Variants in ZDHHC9 observed in about 807,000 individuals in gnomAD.
The protein encoded by ZDHHC9 is zDHHC palmitoyltransferase 9, also known as palmitoyltransferase ZDHHC9.
Under a neutral mutation model 26.6 loss-of-function variants are expected in ZDHHC9, and 3 were observed. The observed-to-expected ratio is 0.11, with a 90% CI of 0.05 to 0.29. ZDHHC9 has a LOEUF of 0.29. Ranked by LOEUF, ZDHHC9 falls within the 10% of genes least tolerant of loss-of-function variation. The pLI, the probability that ZDHHC9 is intolerant of heterozygous loss-of-function variation, is 1.00. For synonymous variants in ZDHHC9, 111 were observed against 109.4 expected (o/e 1.01, Z -0.09); for missense variants, 146 against 296.4 (o/e 0.49, Z 3.73).
intron 7 of ZDHHC9, among the ~76,000 whole-genome samples, chrX:129,813,104 A>G (rs1230605724): frequency 1.8e-5 from 2 of 112,463 alleles, no homozygotes; most frequent in Admixed American, 1.9e-4. Context: ...GTTGGCCATC[A>G]CTGCCAATGG....
intron 8 of ZDHHC9, among the ~76,000 whole-genome samples, 175 bp from the exon 9 acceptor site, chrX:129,811,684 A>G (rs750293902): frequency 8.9e-6 from 1 of 112,005 alleles, no homozygotes; most frequent in East Asian, 2.8e-4. Context: ...TGGTTGCACA[A>G]CAATGTGATG....
Position 129,806,448 on chromosome X carries a change from C to T in ZDHHC9, c.1017G>A (p.Glu339=), listed in dbSNP as rs769159515. 1.5e-5 allele frequency: 18 copies of T among 1,211,561 alleles called. No homozygotes were observed. In the South Asian group the frequency reaches 3.2e-4, roughly 21 times the overall value. ...GCATCTCTTCGGGAGTGCTGCTGTC[C>T]TCCGGCATCTCATTTGAGTTCAGGT... ...TEHLNSNEMP[E]DSSTPEEMPP... is the part of the protein sequence containing the mutation. Residue 339 remains glutamate, a synonymous_variant, in exon 11 of 11, where the codon GAG becomes GAA. Transcript: ENST00000357166.
At chrX:129,835,501 C>T (rs945267246) in intron 3 of ZDHHC9, among the ~76,000 whole-genome samples, 3 of 107,031 alleles carry the variant, frequency 2.8e-5, no homozygotes, top group African/African-American at 1.0e-4. Flanking sequence ...AGCAAACTGC[C>T]GCCAGGTGCA....
rs769825368 is a variant in ZDHHC9 at position 129,828,970 on chromosome X, G to A, written c.328+11C>T. 4.1e-6 allele frequency: 5 copies of A among 1,211,414 alleles called. No individual in the cohort carries two copies. The highest frequency in any genetic ancestry group is 5.6e-6 in the Non-Finnish European group (5 of 895,460). The stretch of plus-strand genomic sequence containing the variant: ...CTACACAGCAGCTTGCCAGCTGGTT[G>A]GAAGACTCACCTATCTCCATTTCTA... On this transcript the variant is annotated intron_variant, in intron 4 of 10. Coordinates refer to ENST00000357166, the MANE Select transcript of ZDHHC9 (RefSeq NM_016032.4).
Position 129,842,055 on chromosome X carries a change from C to T in ZDHHC9, c.-110G>A. On this transcript the variant is annotated 5_prime_UTR_variant, in exon 3 of 11. An upstream start codon of the reference 5' UTR is lost. Coordinates refer to ENST00000357166, the MANE Select transcript of ZDHHC9 (RefSeq NM_016032.4). The stretch of plus-strand genomic sequence containing the variant: ...CTGCTATTCCTGCCGCTGGGTCAAA[C>T]ATCATCAAAAGTCCAATTGCTAGCC... 3 of 999,922 alleles carry T rather than the reference C, an allele frequency of 3.0e-6. No homozygotes were observed. Among genetic ancestry groups the T allele is most frequent in the Non-Finnish European group, 4.2e-6 (3 of 707,830 alleles). 82.4% of individuals were successfully genotyped at this position (999,922 alleles called of 1,213,427 possible).
chrX:129,810,015 C>T (rs1378860371), intron 10 of ZDHHC9, among the ~76,000 whole-genome samples: 1 of 88,079 alleles, frequency 1.1e-5, no homozygotes, highest in Non-Finnish European at 2.2e-5. Context: ...AAAATTGGGA[C>T]CTATGGTATG....
chrX:129,835,621 A>T (rs764639774), intron 3 of ZDHHC9, among the ~76,000 whole-genome samples: 57 of 110,296 alleles, frequency 5.2e-4, no homozygotes, highest in African/African-American at 1.7e-3. Flanking sequence ...TGTCTCTACT[A>T]AAAAATACAA....
At chrX:129,817,443 C>A (rs1421922467) in intron 5 of ZDHHC9, among the ~76,000 whole-genome samples, 1 of 110,588 alleles carries the variant, frequency 9.0e-6, no homozygotes, top group Non-Finnish European at 1.9e-5. Flanking sequence ...CAGAGTGAGA[C>A]CCTGTCTTAA....
intron 10 of ZDHHC9, among the ~76,000 whole-genome samples, chrX:129,808,545 C>T (rs757342985): frequency 9.3e-4 from 104 of 111,603 alleles, no homozygotes; most frequent in Non-Finnish European, 1.8e-3. Context: ...TACCTCACAC[C>T]ATATATAAAA....
chrX:129,841,725 T>A (rs762125558), intron 3 of ZDHHC9, 54 bp downstream of exon 3: 257 of 1,202,606 alleles, frequency 2.1e-4, no homozygotes, highest in Non-Finnish European at 2.6e-4. Context: ...AGCAGGTTCT[T>A]CCCCTGGACC....
chrX:129,823,670 T>G lies in ZDHHC9; in HGVS notation c.487+9A>C. On this transcript the variant is annotated intron_variant, in intron 5 of 10. Transcript: ENST00000357166. ...TTTCCCTAGGCAATGTCCCTGTAGT[T>G]TTACTCACCCACACAGTTGTCACAG... 8.2e-7 allele frequency: 1 copy of G among 1,212,137 alleles called. No individual in the cohort carries two copies. The highest frequency in any genetic ancestry group is 3.0e-5 in the East Asian group (1 of 33,873).
chrX:129,809,573 G>A (rs759009391), intron 10 of ZDHHC9, among the ~76,000 whole-genome samples: 1 of 111,900 alleles, frequency 8.9e-6, no homozygotes, highest in East Asian at 2.8e-4. Context: ...GGGAAGTTCA[G>A]GGGAAAGGGA....
chrX:129,817,537 T>C (rs1927783975), intron 5 of ZDHHC9, among the ~76,000 whole-genome samples: 1 of 111,684 alleles, frequency 9.0e-6, no homozygotes, highest in Non-Finnish European at 1.9e-5. Context: ...GTGGCATTAA[T>C]TACATTCATA....
At position 129,805,573 on chromosome X, in the gene ZDHHC9, G is replaced by A. The variant is rs1274214410; in HGVS notation, c.*797C>T. ...CAAAAGGAAAAACAAATTAAAAGGG[G>A]CTAATGAGAAAGGAGGAGAGATGAG... On this transcript the variant is annotated 3_prime_UTR_variant, in exon 11 of 11. Transcript: ENST00000357166. 8.9e-6 allele frequency: 1 copy of A among 111,873 alleles called. No homozygotes were observed. Among genetic ancestry groups the A allele is most frequent in the African/African-American group, 3.3e-5 (1 of 30,665 alleles). 9.2% of individuals were successfully genotyped at this position (111,873 alleles called of 1,213,427 possible).
intron 5 of ZDHHC9, 84 bp from the exon 6 acceptor site, chrX:129,814,879 ACC>A (rs1927724528): frequency 3.9e-6 from 4 of 1,015,296 alleles, no homozygotes; most frequent in Non-Finnish European, 5.5e-6. Flanking sequence ...TAATTCAAAG[ACC>A]TCCAGGATCA....
Position 129,813,708 on chromosome X carries a change from A to G in ZDHHC9, c.643T>C (p.Phe215Leu). 4 of 1,211,378 alleles carry G rather than the reference A, an allele frequency of 3.3e-6. No individual in the cohort carries two copies. The highest frequency in any genetic ancestry group is 4.5e-6 in the Non-Finnish European group (4 of 894,986). The change falls in exon 7 of 11, where the codon TTC (phenylalanine) becomes CTC (leucine). Residue 215 changes from phenylalanine (F) to leucine (L), a missense_variant. Physicochemically the swap from Phe to Leu is conservative, Grantham distance 22. Transcript: ENST00000357166. ...YVALKSLKIG[F>L]LETLKETPGT... ...GGAGTTTCTTTCAATGTCTCCAAGA[A>G]GCCAATTTTCAAAGATTCTGTGAAA...
In ZDHHC9 at chrX:129,842,037, T is replaced by C; in HGVS notation, c.-92A>G. The C allele has an allele frequency of 2.3e-5, 25 of 1,093,170 alleles. No homozygotes were observed. The highest frequency in any genetic ancestry group is 3.6e-5 in the African/African-American group (2 of 55,291). 90.1% of individuals were successfully genotyped at this position (1,093,170 alleles called of 1,213,427 possible). A position where few individuals can be genotyped will look rare whatever the true frequency, so the allele number is the denominator to read the frequency against. On this transcript the variant is annotated 5_prime_UTR_variant, in exon 3 of 11. Coordinates refer to ENST00000357166, the MANE Select transcript of ZDHHC9 (RefSeq NM_016032.4). ...GCTTTGAAATCACGTTGCCTGCTAT[T>C]CCTGCCGCTGGGTCAAACATCATCA...
At position 129,806,043 on chromosome X, in the gene ZDHHC9, C is replaced by T; in HGVS notation, c.*327G>A. ...TTTAGCCCCAGAATGAGACCAGTGACCCCAAGCAGGAGGGCTGGGATCTGG... is the reference window on the plus strand; with the variant it reads ...TTTAGCCCCAGAATGAGACCAGTGATCCCAAGCAGGAGGGCTGGGATCTGG... On this transcript the variant is annotated 3_prime_UTR_variant, in exon 11 of 11. Coordinates refer to ENST00000357166, the MANE Select transcript of ZDHHC9 (RefSeq NM_016032.4). 3.6e-6 allele frequency: 1 copy of T among 278,587 alleles called. No homozygotes were observed. Among genetic ancestry groups the T allele is most frequent in the Admixed American group, 5.2e-5 (1 of 19,407 alleles). The allele number at this position is 278,587 out of a possible 1,213,427, so 23.0% of individuals were successfully genotyped here.
intron 8 of ZDHHC9, among the ~76,000 whole-genome samples, chrX:129,811,974 ATAC>A (rs1927652008): frequency 8.9e-6 from 1 of 111,966 alleles, no homozygotes; most frequent in African/African-American, 3.2e-5. Flanking sequence ...TATATAAATC[ATAC>A]TACTAACAAA....
Sources: gnomAD v4.1 joint callset for allele counts (sites outside exome capture counted in the v4.1 genomes callset) on GRCh38, gnomAD v4.1.1 for gene constraint, MANE v1.5 for transcripts, NCBI Gene and HGNC (gene_info 2026-07-23, HGNC 2026-07-21) for gene names.